ENTPD5: variants seen among roughly 807,000 people sequenced by gnomAD.
ENTPD5 encodes the protein ectonucleoside triphosphate diphosphohydrolase 5 (inactive).
ENTPD5 carries 49 observed loss-of-function variants against 60.2 expected under a neutral mutation model. The ratio of observed to expected loss-of-function variants is 0.81; its 90% CI spans 0.65 to 1.03. The LOEUF (loss-of-function observed/expected upper bound fraction) is 1.03, where lower values mean the gene tolerates loss of function less well. Ranked by LOEUF, ENTPD5 falls within the 50% of genes least tolerant of loss-of-function variation. The pLI, the probability that ENTPD5 is intolerant of heterozygous loss-of-function variation, is 0.00. For synonymous variants in ENTPD5, 187 were observed against 185.4 expected (o/e 1.01, Z -0.07); for missense variants, 480 against 507.6 (o/e 0.95, Z 0.52).
chr14:73,981,684 G>A (rs1158561436), intron 6 of ENTPD5, among the ~76,000 whole-genome samples: 3 of 147,692 alleles, frequency 2.0e-5, no homozygotes, highest in Non-Finnish European at 3.0e-5. Flanking sequence ...GCACATAACT[G>A]TAATCTCAGT....
At position 73,988,140 on chromosome 14, in the gene ENTPD5, G is replaced by A. The variant is rs1209237563; in HGVS notation, c.-38C>T. The A allele has an allele frequency of 2.5e-6, 4 of 1,579,462 alleles. No individual in the cohort carries two copies. The highest frequency in any genetic ancestry group is 3.4e-6 in the Non-Finnish European group (4 of 1,162,472). On this transcript the variant is annotated 5_prime_UTR_variant, in exon 4 of 16. Transcript: ENST00000334696. ...ATGTGGCTGGGTGGAGGCTTTTGTT[G>A]CAGAAGCAATCCTGCTCGCACACCT... is the stretch of plus-strand genomic sequence containing the variant.
Position 73,987,897 on chromosome 14 carries a change from T to C in ENTPD5, c.206A>G (p.Gln69Arg), listed in dbSNP as rs776216295. Residue 69 changes from glutamine (Q) to arginine (R), a missense_variant, in exon 4 of 16, where the codon CAG becomes CGG. Transcript: ENST00000334696. ...CCAGTTGCACTTACCTGGCATTTTC[T>C]GCACAAAGGTGTAAACATGAATTCG... ...GTRIHVYTFV[Q>R]KMPGQLPILE... is the part of the protein sequence containing the mutation. The C allele has an allele frequency of 7.4e-6, 12 of 1,614,024 alleles. No individual in the cohort carries two copies. The highest frequency in any genetic ancestry group is 3.3e-4 in the Middle Eastern group (2 of 6,084).
downstream of ENTPD5, chr14:73,956,075 A>G (rs1343420699): frequency 3.4e-6 from 4 of 1,180,574 alleles, no homozygotes; most frequent in Non-Finnish European, 4.9e-6. Context: ...CTGTAATCCC[A>G]GCACTTTTGG....
At chr14:73,973,321 C>T (rs188405215) in intron 12 of ENTPD5, among the ~76,000 whole-genome samples, 97 of 152,322 alleles carry the variant, frequency 6.4e-4, no homozygotes, top group African/African-American at 2.3e-3. Flanking sequence ...AGCTAAAGGG[C>T]TCGCCTGCTT....
downstream of ENTPD5, chr14:73,958,336 C>A: frequency 6.2e-7 from 1 of 1,610,996 alleles, no homozygotes; most frequent in South Asian, 1.1e-5. Flanking sequence ...ATCCTAGATT[C>A]TAGGGACTCT....
chr14:73,975,951 T>A lies in ENTPD5; in HGVS notation c.707A>T (p.Lys236Met), dbSNP rs763769189. The A allele has an allele frequency of 1.2e-6, 2 of 1,612,540 alleles. No individual in the cohort carries two copies. Among genetic ancestry groups the A allele is most frequent in the Non-Finnish European group, 8.5e-7 (1 of 1,178,840 alleles). ...CCGTCCTCACCTATGTGTATAGAGCTTATAAGTGCTGTTAAACATCTCAAA... is the reference window on the plus strand; with the variant it reads ...CCGTCCTCACCTATGTGTATAGAGCATATAAGTGCTGTTAAACATCTCAAA... ...TSFEMFNSTYKLYTHSYLGFG... is the reference protein window; with the variant it reads ...TSFEMFNSTYMLYTHSYLGFG... Residue 236 changes from lysine to methionine, a missense_variant, in exon 10 of 16, where the codon AAG becomes ATG. By Grantham distance (95) the Lys-to-Met change is moderately conservative (BLOSUM62 -1). Transcript: ENST00000334696.
At chr14:73,980,776 A>G (rs1055522362) in intron 6 of ENTPD5, among the ~76,000 whole-genome samples, 3 of 152,228 alleles carry the variant, frequency 2.0e-5, no homozygotes, top group Non-Finnish European at 4.4e-5. Flanking sequence ...TGTTTATTGC[A>G]TAACAAATAT....
chr14:73,989,327 C>G, intron 3 of ENTPD5, among the ~76,000 whole-genome samples: 1 of 151,614 alleles, frequency 6.6e-6, no homozygotes, highest in East Asian at 2.0e-4. Context: ...TTTGGGAGGC[C>G]AAGGCAGGTG....
At chr14:73,994,364 T>C (rs2058258445) in intron 3 of ENTPD5, among the ~76,000 whole-genome samples, 1 of 151,260 alleles carries the variant, frequency 6.6e-6, no homozygotes, top group African/African-American at 2.4e-5. Context: ...TGACCTCAGG[T>C]GATCCACTCG....
chr14:73,955,668 C>G (rs2056398741), downstream of ENTPD5: 1 of 1,459,744 alleles, frequency 6.9e-7, no homozygotes, highest in African/African-American at 1.4e-5. Context: ...GAATTTTCTT[C>G]TCATTTTATA....
At position 74,002,824 on chromosome 14, in the gene ENTPD5, C is replaced by T. The variant is rs140390159; in HGVS notation, c.-71+8267G>A. On this transcript the variant is annotated intron_variant, in intron 3 of 15. Coordinates refer to ENST00000334696, the MANE Select transcript of ENTPD5 (RefSeq NM_001249.5). The stretch of plus-strand genomic sequence containing the variant: ...TGTTTTATGCAAAATCCAGCACTGG[C>T]TCCCCATTTCAGAGAAACAAGGTCC... 4.1e-4 allele frequency among the ~76,000 whole-genome samples: 62 copies of T among 152,282 alleles called. No individual in the cohort carries two copies. In the East Asian group the frequency reaches 6.4e-3, roughly 16 times the overall value.
chr14:73,978,625 C>CAAAAT (rs147216414), intron 6 of ENTPD5, among the ~76,000 whole-genome samples: 53 of 149,284 alleles, frequency 3.6e-4, no homozygotes, highest in African/African-American at 1.3e-3. Context: ...CAAAACAAAA[C>CAAAAT]GCCAAAAAAC....
chr14:73,976,085 C>G, intron 9 of ENTPD5, 70 bp from the exon 10 acceptor site: 1 of 1,296,552 alleles, frequency 7.7e-7, no homozygotes, highest in Non-Finnish European at 1.1e-6. Context: ...CACCACCACC[C>G]GTCCCTCCCA....
chr14:73,999,662 C>T (rs1311775959), intron 3 of ENTPD5, among the ~76,000 whole-genome samples: 3 of 151,476 alleles, frequency 2.0e-5, no homozygotes, highest in African/African-American at 7.3e-5. Flanking sequence ...CGCAGTGGCG[C>T]GTGCCTGTAA....
At chr14:73,957,103 T>TATTA (rs199572425), downstream of ENTPD5, among the ~76,000 whole-genome samples, 53 of 146,738 alleles carry the variant, frequency 3.6e-4, no homozygotes, top group Non-Finnish European at 5.8e-4. Flanking sequence ...TTATTATTAT[T>TATTA]TTTTTTTTTT....
At chr14:73,975,045 A>G in intron 10 of ENTPD5, 60 bp from the exon 11 acceptor site, 2 of 1,275,610 alleles carry the variant, frequency 1.6e-6, no homozygotes, top group Admixed American at 1.8e-5. Flanking sequence ...GCCTAAAGCT[A>G]CCTCTTTCAA....
At chr14:73,995,783 C>T (rs1317815753) in intron 3 of ENTPD5, among the ~76,000 whole-genome samples, 1 of 151,966 alleles carries the variant, frequency 6.6e-6, no homozygotes, top group Non-Finnish European at 1.5e-5. Context: ...TTTTTGTAGA[C>T]TAGGGAGGTA....
At chr14:73,971,452 C>T (rs1248667493) in intron 14 of ENTPD5, among the ~76,000 whole-genome samples, 3 of 152,136 alleles carry the variant, frequency 2.0e-5, no homozygotes, top group East Asian at 1.9e-4. Flanking sequence ...CCACCGTGCC[C>T]GGCCTCCTAA....
At chr14:73,959,287 C>A, downstream of ENTPD5, 2 of 1,614,168 alleles carry the variant, frequency 1.2e-6, no homozygotes, top group Non-Finnish European at 1.7e-6. Context: ...CACTTTCTCT[C>A]AGCCTTTTTC....
Sources: allele counts gnomAD v4.1 joint callset (sites outside exome capture counted in the v4.1 genomes callset), GRCh38; gene constraint gnomAD v4.1.1; transcripts MANE v1.5; gene names NCBI Gene and HGNC (gene_info 2026-07-23, HGNC 2026-07-21).